Variants in DLEC1 observed in about 807,000 individuals in gnomAD.
DLEC1 encodes DLEC1 cilia and flagella associated protein.
DLEC1 carries 146 observed loss-of-function variants against 198.1 expected under a neutral mutation model. That is an observed-to-expected ratio of 0.74 (90% CI 0.64 to 0.85). The LOEUF (loss-of-function observed/expected upper bound fraction) is 0.85, where lower values mean the gene tolerates loss of function less well. Among genes scored for constraint, DLEC1 ranks in the 40% least tolerant of loss-of-function variants. DLEC1 has a pLI of 0.00. For missense variants in DLEC1, 2,233 were observed against 2,220.0 expected, an observed-to-expected ratio of 1.01 and a Z score of -0.12; for synonymous variants, 897 against 866.8, an observed-to-expected ratio of 1.03 and a Z score of -0.61.
chr3:38,121,035 G>A (rs1304736070), intron 34 of DLEC1, among the ~76,000 whole-genome samples: 1 of 152,234 alleles, frequency 6.6e-6, no homozygotes, highest in Non-Finnish European at 1.5e-5. Flanking sequence ...CAGGTCACCA[G>A]GCCGTAGTGT....
chr3:38,114,877 C>A, intron 26 of DLEC1, 106 bp from the exon 27 acceptor site: 1 of 960,926 alleles, frequency 1.0e-6, no homozygotes, highest in Non-Finnish European at 1.6e-6. Context: ...GAGGCCAGAC[C>A]ACTGTGGTAT....
intron 2 of DLEC1, among the ~76,000 whole-genome samples, chr3:38,046,328 C>A (rs145737003): frequency 6.6e-6 from 1 of 152,114 alleles, no homozygotes; most frequent in Non-Finnish European, 1.5e-5. Context: ...GTAATCCCCA[C>A]GTGTCATGGG....
At chr3:38,090,916 A>T (rs1264631263) in intron 10 of DLEC1, among the ~76,000 whole-genome samples, 1 of 151,986 alleles carries the variant, frequency 6.6e-6, no homozygotes, top group African/African-American at 2.4e-5. Flanking sequence ...TTACATCTAT[A>T]CCCCTCCATT....
In DLEC1 at chr3:38,081,649, G is replaced by C. The variant is rs1165727180; in HGVS notation, c.1174-2509G>C. Among the ~76,000 whole-genome samples the C allele has an allele frequency of 2.1e-3, 195 of 91,036 alleles. 6 individuals carry two copies. Among genetic ancestry groups the C allele is most frequent in the Admixed American group, 4.9e-3 (48 of 9,806 alleles). The allele number at this position is 91,036 out of a possible 152,430, so 59.7% of individuals were successfully genotyped here. On this transcript the variant is annotated intron_variant, in intron 6 of 36. Transcript: ENST00000308059. ...CCCCACCTCCCTCCCGGACGGGGCG[G>C]CTGGCCGGGTGGGGGGGCTGACCCC...
intron 6 of DLEC1, among the ~76,000 whole-genome samples, chr3:38,074,596 C>T (rs1399320008): frequency 6.6e-6 from 1 of 152,188 alleles, no homozygotes; most frequent in Non-Finnish European, 1.5e-5. Context: ...TGTAATCTTG[C>T]CTAGCTATAC....
rs747376316 is a variant in DLEC1 at position 38,110,216 on chromosome 3, C to T, written c.3378C>T (p.Thr1126=). The part of the protein sequence containing the change: ...LILTNRSPIR[T]RFSLKFEYFG... ...TCACCAATCGCTCCCCAATACGGAC[C>T]CGTTTCTCCCTCAAGTTTGAGTATT... Residue 1126 remains threonine (T), a synonymous_variant, in exon 23 of 37, where the codon ACC becomes ACT. Transcript: ENST00000308059. The T allele has an allele frequency of 6.2e-7, 1 of 1,614,190 alleles. No individual in the cohort carries two copies. The highest frequency in any genetic ancestry group is 8.5e-7 in the Non-Finnish European group (1 of 1,180,046).
intron 10 of DLEC1, among the ~76,000 whole-genome samples, chr3:38,089,613 C>T (rs1439350334): frequency 6.6e-6 from 1 of 152,160 alleles, no homozygotes; most frequent in Non-Finnish European, 1.5e-5. Flanking sequence ...GTTCTCTGTT[C>T]TCTTGGTGTA....
rs771070045 is a variant in DLEC1, at chr3:38,062,352, C to T, written c.857C>T (p.Thr286Ile). The change falls in exon 4 of 37, where the codon ACC (threonine) becomes ATC (isoleucine). Residue 286 changes from threonine (T) to isoleucine (I), a missense_variant. Physicochemically the swap from Thr to Ile is moderately conservative, Grantham distance 89 (BLOSUM62 -1). Transcript: ENST00000308059. ...WNLTPKAKER[T>I]REPLKKASQP... ...TTAACTCCTAAGGCCAAAGAAAGGA[C>T]CAGAGAACCTCTCAAGGTCAGTTTG... 6.2e-7 allele frequency: 1 copy of T among 1,614,130 alleles called. No individual in the cohort carries two copies. The highest frequency in any genetic ancestry group is 1.1e-5 in the South Asian group (1 of 91,082).
rs1256933985 is a variant in DLEC1, at chr3:38,123,102, A to G, written c.*690A>G. The G allele has an allele frequency of 6.2e-7, 1 of 1,614,220 alleles. No homozygotes were observed. Among genetic ancestry groups the G allele is most frequent in the Non-Finnish European group, 8.5e-7 (1 of 1,180,044 alleles). On this transcript the variant is annotated 3_prime_UTR_variant, in exon 37 of 37. Coordinates refer to ENST00000308059, the MANE Select transcript of DLEC1 (RefSeq NM_007335.4). ...GGCTCCCATTCCAGTCCCGATGCAC[A>G]TGGACACCACTCCGTATGCCCTGTG...
chr3:38,076,086 C>A (rs973283822), intron 6 of DLEC1, among the ~76,000 whole-genome samples: 2 of 152,146 alleles, frequency 1.3e-5, no homozygotes, highest in Non-Finnish European at 2.9e-5. Flanking sequence ...AACATGTCTC[C>A]TTTGTCTCTA....
intron 2 of DLEC1, among the ~76,000 whole-genome samples, chr3:38,055,225 A>T (rs1696295002): frequency 6.6e-6 from 1 of 152,252 alleles, no homozygotes; most frequent in Non-Finnish European, 1.5e-5. Flanking sequence ...GTGTGGGGAC[A>T]TGAGGCTTAA....
At chr3:38,114,917 C>T in intron 26 of DLEC1, 66 bp from the exon 27 acceptor site, 1 of 1,466,408 alleles carries the variant, frequency 6.8e-7, no homozygotes, top group Non-Finnish European at 9.4e-7. Context: ...CAGTCCCAGC[C>T]CTCCTCCCTA....
intron 6 of DLEC1, among the ~76,000 whole-genome samples, chr3:38,077,849 A>G (rs536124232): frequency 1.2e-4 from 19 of 152,310 alleles, no homozygotes; most frequent in Middle Eastern, 3.4e-3. Context: ...AGGGGGCCTG[A>G]ATAATCCCTG....
At chr3:38,092,459 A>G (rs927055516) in intron 10 of DLEC1, among the ~76,000 whole-genome samples, 2 of 152,228 alleles carry the variant, frequency 1.3e-5, no homozygotes, top group Admixed American at 1.3e-4. Context: ...CTTTGCCAGT[A>G]TGAGTGGTAA....
intron 1 of DLEC1, 82 bp downstream of exon 1, chr3:38,039,718 G>A: frequency 1.3e-6 from 2 of 1,494,100 alleles, no homozygotes; most frequent in Non-Finnish European, 8.9e-7. Flanking sequence ...CAGGTGCCAG[G>A]CGCTGTTCCA....
Position 38,053,776 on chromosome 3 carries a change from T to C in DLEC1, c.563-5966T>C, listed in dbSNP as rs1347824491. Among the ~76,000 whole-genome samples the C allele has an allele frequency of 4.6e-5, 7 of 152,252 alleles. No homozygotes were observed. In the South Asian group the frequency reaches 1.5e-3, roughly 32 times the overall value. On this transcript the variant is annotated intron_variant, in intron 2 of 36. Coordinates refer to ENST00000308059, the MANE Select transcript of DLEC1 (RefSeq NM_007335.4). ...AAAAGGGGGAAATGTGGGGAAAAGA[T>C]AGAGAAATCAGATTGTTGCTGTGTC...
chr3:38,092,643 C>T, intron 10 of DLEC1, 147 bp from the exon 11 acceptor site: 1 of 733,068 alleles, frequency 1.4e-6, no homozygotes, highest in South Asian at 1.6e-5. Flanking sequence ...AACACTTGGC[C>T]TTAGGAGTAA....
At chr3:38,091,734 T>C (rs1234206592) in intron 10 of DLEC1, among the ~76,000 whole-genome samples, 1 of 152,104 alleles carries the variant, frequency 6.6e-6, no homozygotes, top group Non-Finnish European at 1.5e-5. Context: ...ATATAAATGG[T>C]CAATGAGTAT....
At chr3:38,117,179 T>G in intron 30 of DLEC1, 29 bp from the exon 31 acceptor site, 2 of 1,614,098 alleles carry the variant, frequency 1.2e-6, no homozygotes, top group Non-Finnish European at 1.7e-6. Flanking sequence ...AGCCCAGGGA[T>G]CAGCTGTGAT....
Sources: allele counts gnomAD v4.1 joint callset (sites outside exome capture counted in the v4.1 genomes callset), GRCh38; gene constraint gnomAD v4.1.1; transcripts MANE v1.5; gene names NCBI Gene and HGNC (gene_info 2026-07-23, HGNC 2026-07-21).